SLC25A12: variants seen among roughly 807,000 people sequenced by gnomAD.
SLC25A12 encodes the protein solute carrier family 25 member 12.
A neutral mutation model predicts 83.3 loss-of-function variants in SLC25A12; 32 were observed. The ratio of observed to expected loss-of-function variants is 0.38; its 90% CI spans 0.29 to 0.52. SLC25A12 has a LOEUF of 0.52. SLC25A12 is among the 20% of genes least tolerant of loss of function. The probability of loss-of-function intolerance (pLI) is 0.84; values close to 1 mark genes in which losing one functional copy is unlikely to be tolerated. For synonymous variants in SLC25A12, 267 were observed against 291.1 expected (o/e 0.92, Z 0.84); for missense variants, 611 against 835.6 (o/e 0.73, Z 3.31).
At chr2:171,834,547 C>T (rs1286291318) in intron 7 of SLC25A12, among the ~76,000 whole-genome samples, 180 bp downstream of exon 7, 3 of 152,178 alleles carry the variant, frequency 2.0e-5, no homozygotes, top group Non-Finnish European at 4.4e-5. Context: ...TTTTCCATTC[C>T]TGACCTCAGT....
intron 9 of SLC25A12, among the ~76,000 whole-genome samples, chr2:171,825,623 C>T (rs144845714): frequency 1.3e-5 from 2 of 152,150 alleles, no homozygotes; most frequent in African/African-American, 4.8e-5. Context: ...GCCCTCCCCA[C>T]GTCGCCTTGC....
intron 5 of SLC25A12, among the ~76,000 whole-genome samples, chr2:171,841,944 GCAGCTGCTGTGGAAAA>G (rs1016140973): frequency 6.6e-6 from 1 of 152,300 alleles, no homozygotes; most frequent in Admixed American, 6.5e-5. Context: ...GGAAAATGGT[GCAGCTGCTGTGGAAAA>G]CAGTCAGGTG....
At chr2:171,816,565 T>A (rs1213472077) in intron 9 of SLC25A12, among the ~76,000 whole-genome samples, 1 of 152,150 alleles carries the variant, frequency 6.6e-6, no homozygotes, top group Non-Finnish European at 1.5e-5. Flanking sequence ...ATTTTGTATT[T>A]TTTTATTGTT....
intron 13 of SLC25A12, among the ~76,000 whole-genome samples, chr2:171,799,336 A>T (rs1683662589): frequency 6.6e-6 from 1 of 152,232 alleles, no homozygotes; most frequent in Non-Finnish European, 1.5e-5. Context: ...TTGTATGCAT[A>T]TCTATATGTG....
chr2:171,859,919 C>T (rs1016608404), intron 3 of SLC25A12, among the ~76,000 whole-genome samples: 1 of 152,096 alleles, frequency 6.6e-6, no homozygotes, highest in Middle Eastern at 3.2e-3. Flanking sequence ...AGGTGCGTGC[C>T]ACCACACCAG....
intron 9 of SLC25A12, among the ~76,000 whole-genome samples, chr2:171,815,427 T>G (rs1441070274): frequency 2.6e-5 from 4 of 152,178 alleles, no homozygotes; most frequent in African/African-American, 9.7e-5. Context: ...AAAAACCATG[T>G]TAGGCCAAAT....
At position 171,785,056 on chromosome 2, in the gene SLC25A12, C is replaced by T; in HGVS notation, c.*218G>A. The T allele has an allele frequency of 3.9e-6, 2 of 518,598 alleles. No homozygotes were observed. Among genetic ancestry groups the T allele is most frequent in the Non-Finnish European group, 7.0e-6 (2 of 285,234 alleles). 32.1% of individuals were successfully genotyped at this position (518,598 alleles called of 1,614,324 possible). On this transcript the variant is annotated 3_prime_UTR_variant, in exon 18 of 18. Transcript: ENST00000422440. ...TAATTCATGCCAAGGCTTACAAAAA[C>T]ATTTCAACACATAAGACTAAAGCTT...
At chr2:171,813,534 A>T (rs758519314) in intron 10 of SLC25A12, 37 bp from the exon 11 acceptor site, 1 of 1,606,472 alleles carries the variant, frequency 6.2e-7, no homozygotes, top group East Asian at 2.2e-5. Flanking sequence ...AAAAAAGAAC[A>T]CAATTAAATG....
At position 171,839,391 on chromosome 2, in the gene SLC25A12, AAGGT is replaced by A. The variant is rs938833736; in HGVS notation, c.466-2128_466-2125del. On this transcript the variant is annotated intron_variant, in intron 5 of 17. Transcript: ENST00000422440. Reference sequence around the variant, plus strand: ...TAAAATAAATAAATCTTGGGTTAAAAAGGTAGGTAGGTAGGTAGGTGGATAGGAG... The same window carrying A: ...TAAAATAAATAAATCTTGGGTTAAAAAGGTAGGTAGGTAGGTGGATAGGAG... Among the ~76,000 whole-genome samples, 250 of 152,294 alleles carry A rather than the reference AAGGT, an allele frequency of 1.6e-3. 2 individuals are homozygous for A. The highest frequency in any genetic ancestry group is 5.5e-3 in the African/African-American group (230 of 41,566).
At chr2:171,873,807 A>C (rs1044724750) in intron 2 of SLC25A12, among the ~76,000 whole-genome samples, 21 of 152,280 alleles carry the variant, frequency 1.4e-4, no homozygotes, top group African/African-American at 4.6e-4. Context: ...TTTTTATATA[A>C]ATGATAGCAT....
intron 2 of SLC25A12, among the ~76,000 whole-genome samples, chr2:171,870,047 T>G (rs1472395681): frequency 6.6e-6 from 1 of 152,220 alleles, no homozygotes; most frequent in Non-Finnish European, 1.5e-5. Context: ...CCAATTAGAA[T>G]GTGTCACAAG....
chr2:171,843,242 C>T (rs143148324), intron 5 of SLC25A12, among the ~76,000 whole-genome samples: 171 of 152,248 alleles, frequency 1.1e-3, no homozygotes, highest in Middle Eastern at 3.4e-3. Flanking sequence ...GTGTTTTAAA[C>T]GCATTAAAAA....
intron 13 of SLC25A12, among the ~76,000 whole-genome samples, chr2:171,800,141 T>C (rs1683679810): frequency 6.6e-6 from 1 of 152,146 alleles, no homozygotes; most frequent in South Asian, 2.1e-4. Context: ...TAATTACTTT[T>C]TCTTTAAAAA....
chr2:171,801,351 TTC>T (rs1683704698), intron 13 of SLC25A12, among the ~76,000 whole-genome samples: 1 of 152,188 alleles, frequency 6.6e-6, no homozygotes, highest in South Asian at 2.1e-4. Context: ...CTTTTTGGAC[TTC>T]TGTTTCTCAT....
At position 171,888,051 on chromosome 2, in the gene SLC25A12, T is replaced by C. The variant is rs145834930; in HGVS notation, c.66+5154A>G. ...AATTCTCATACAATTTCACTAAACATAGATACATAAATAAGTCAGTTGCCA... is the reference window on the plus strand; with the variant it reads ...AATTCTCATACAATTTCACTAAACACAGATACATAAATAAGTCAGTTGCCA... On this transcript the variant is annotated intron_variant, in intron 2 of 17. Coordinates refer to ENST00000422440, the MANE Select transcript of SLC25A12 (RefSeq NM_003705.5). Among the ~76,000 whole-genome samples the C allele has an allele frequency of 3.8e-4, 58 of 151,938 alleles. No homozygotes were observed. In the East Asian group the frequency reaches 9.5e-3, roughly 25 times the overall value.
intron 13 of SLC25A12, among the ~76,000 whole-genome samples, chr2:171,804,236 C>T (rs1356475904): frequency 6.6e-6 from 1 of 150,866 alleles, no homozygotes; most frequent in Non-Finnish European, 1.5e-5. Flanking sequence ...TTACAAAAGG[C>T]CACATATCAT....
At chr2:171,851,743 C>T (rs1424256575) in intron 4 of SLC25A12, among the ~76,000 whole-genome samples, 1 of 152,078 alleles carries the variant, frequency 6.6e-6, no homozygotes, top group Admixed American at 6.6e-5. Context: ...CCATGTCACC[C>T]GTGCTGGTCT....
intron 11 of SLC25A12, among the ~76,000 whole-genome samples, chr2:171,810,623 T>G (rs1467721715): frequency 2.0e-5 from 3 of 152,210 alleles, no homozygotes; most frequent in South Asian, 2.1e-4. Context: ...ATTCCCTCCC[T>G]TATTACAACC....
chr2:171,826,925 C>T lies in SLC25A12; in HGVS notation c.846-43G>A, dbSNP rs771237503. The T allele has an allele frequency of 2.6e-5, 26 of 996,858 alleles. No homozygotes were observed. In the South Asian group the frequency reaches 3.4e-4, roughly 13 times the overall value. The allele number at this position is 996,858 out of a possible 1,614,324, so 61.8% of individuals were successfully genotyped here. A position where few individuals can be genotyped will look rare whatever the true frequency, so the allele number is the denominator to read the frequency against. ...GAAAGAATTGTTAGACACTGACAAA[C>T]TCCTCACGCCAAAATCATCTTTTCT... is the stretch of plus-strand genomic sequence containing the variant. On this transcript the variant is annotated intron_variant, in intron 8 of 17. Transcript: ENST00000422440.
Sources: allele counts gnomAD v4.1 joint callset (sites outside exome capture counted in the v4.1 genomes callset), GRCh38; gene constraint gnomAD v4.1.1; transcripts MANE v1.5; gene names NCBI Gene and HGNC (gene_info 2026-07-23, HGNC 2026-07-21).